The following COL4A6 variants were observed in gnomAD, a reference collection of about 807,000 sequenced individuals.
COL4A6 encodes the protein collagen type IV alpha 6 chain, also known as collagen alpha-6(IV) chain.
Under a neutral mutation model 126.7 loss-of-function variants are expected in COL4A6, and 59 were observed. The ratio of observed to expected loss-of-function variants is 0.47; its 90% CI spans 0.38 to 0.58. The LOEUF is 0.58. Ranked by LOEUF, COL4A6 falls within the 20% of genes least tolerant of loss-of-function variation. The pLI, the probability that COL4A6 is intolerant of heterozygous loss-of-function variation, is 0.00. For synonymous variants in COL4A6, 547 were observed against 496.6 expected (o/e 1.10, Z -1.35); for missense variants, 1,285 against 1,337.3 (o/e 0.96, Z 0.61).
chrX:108,181,756 G>C (rs1189873990), intron 23 of COL4A6, among the ~76,000 whole-genome samples: 1 of 111,921 alleles, frequency 8.9e-6, no homozygotes, highest in East Asian at 2.8e-4. Context: ...GAATCTATAA[G>C]ATCACAGAGG....
At chrX:108,257,753 G>T (rs367907514) in intron 3 of COL4A6, among the ~76,000 whole-genome samples, 1 of 111,100 alleles carries the variant, frequency 9.0e-6, no homozygotes, top group Non-Finnish European at 1.9e-5. Flanking sequence ...CTTGGAAGCT[G>T]CTCTACAGAG....
intron 2 of COL4A6, among the ~76,000 whole-genome samples, chrX:108,381,999 T>C (rs2040567975): frequency 9.0e-6 from 1 of 111,692 alleles, no homozygotes; most frequent in Non-Finnish European, 1.9e-5. Flanking sequence ...TTTTCTTTTT[T>C]ACCCTCTTTT....
intron 2 of COL4A6, among the ~76,000 whole-genome samples, chrX:108,425,266 C>T (rs918795294): frequency 3.5e-4 from 37 of 107,086 alleles, no homozygotes; most frequent in Non-Finnish European, 6.2e-4. Flanking sequence ...ACAAAGAGAG[C>T]GTGAATTATG....
chrX:108,210,900 A>C (rs1385866332), intron 7 of COL4A6, among the ~76,000 whole-genome samples: 1 of 111,599 alleles, frequency 9.0e-6, no homozygotes, highest in Non-Finnish European at 1.9e-5. Context: ...CTGCCTTCCA[A>C]AGTGATTTCC....
At chrX:108,382,371 C>T (rs908008239) in intron 2 of COL4A6, among the ~76,000 whole-genome samples, 5 of 111,669 alleles carry the variant, frequency 4.5e-5, no homozygotes, top group African/African-American at 1.6e-4. Context: ...ACACTTACCA[C>T]AGTGCCTGGC....
chrX:108,313,085 G>T (rs2038798814), intron 2 of COL4A6, among the ~76,000 whole-genome samples: 1 of 112,653 alleles, frequency 8.9e-6, no homozygotes, highest in Non-Finnish European at 1.9e-5. Context: ...AAGCCCTGTT[G>T]GCCACAAGGC....
rs2035554874 is a variant in COL4A6, at chrX:108,206,731, T to C, written c.547-151A>G. Reference sequence around the variant, plus strand: ...TGGAAATGTTCCAGTTGTCCAATGATACAAGGATAAACTCTGATAGATTCA... The same window carrying C: ...TGGAAATGTTCCAGTTGTCCAATGACACAAGGATAAACTCTGATAGATTCA... On this transcript the variant is annotated intron_variant, in intron 8 of 44. Coordinates refer to ENST00000334504, the MANE Select transcript of COL4A6 (RefSeq NM_033641.4). 4 of 550,901 alleles carry C rather than the reference T, an allele frequency of 7.3e-6. No individual in the cohort carries two copies. The Middle Eastern group carries it at 9.4e-4, about 130-fold the overall frequency. The allele number at this position is 550,901 out of a possible 1,213,427, so 45.4% of individuals were successfully genotyped here.
At chrX:108,275,844 G>A (rs1443173086) in intron 3 of COL4A6, among the ~76,000 whole-genome samples, 5 of 112,783 alleles carry the variant, frequency 4.4e-5, no homozygotes, top group South Asian at 3.6e-4. Flanking sequence ...ATTGGCATAC[G>A]GGTGCACATG....
At chrX:108,157,833 G>A (rs1194955493) in intron 44 of COL4A6, among the ~76,000 whole-genome samples, 2 of 111,798 alleles carry the variant, frequency 1.8e-5, no homozygotes, top group Admixed American at 1.9e-4. Flanking sequence ...CACATGAGCT[G>A]GTGGTTTTCA....
At chrX:108,162,416 GGAA>G (rs972216854) in intron 41 of COL4A6, among the ~76,000 whole-genome samples, 4 of 102,755 alleles carry the variant, frequency 3.9e-5, no homozygotes, top group East Asian at 2.9e-4. Flanking sequence ...AAGAAGAAGA[GGAA>G]GAAGAAGAGG....
At chrX:108,204,488 G>T in intron 11 of COL4A6, 76 bp from the exon 12 acceptor site, 1 of 872,125 alleles carries the variant, frequency 1.1e-6, no homozygotes, top group Non-Finnish European at 1.7e-6. Context: ...TTTGTCCTCT[G>T]GATGTAACTC....
chrX:108,279,142 A>G (rs2037716947), intron 3 of COL4A6, among the ~76,000 whole-genome samples: 1 of 111,998 alleles, frequency 8.9e-6, no homozygotes, highest in Non-Finnish European at 1.9e-5. Flanking sequence ...ACACATAACA[A>G]TATTAACCTT....
chrX:108,351,490 C>T (rs1261986296), intron 2 of COL4A6, among the ~76,000 whole-genome samples: 2 of 92,475 alleles, frequency 2.2e-5, no homozygotes, highest in African/African-American at 7.7e-5. Context: ...GTGTGTATGC[C>T]TGTGTATATC....
At chrX:108,407,776 A>C (rs775378032) in intron 2 of COL4A6, among the ~76,000 whole-genome samples, 189 of 112,387 alleles carry the variant, frequency 1.7e-3, no homozygotes, top group African/African-American at 5.6e-3. Context: ...GAGCTAAGGA[A>C]TCTACTTACC....
intron 3 of COL4A6, among the ~76,000 whole-genome samples, chrX:108,287,137 G>C (rs1298718938): frequency 8.9e-6 from 1 of 111,777 alleles, no homozygotes; most frequent in South Asian, 3.8e-4. Flanking sequence ...AGTTCTATTC[G>C]GGTCTTTCAT....
intron 3 of COL4A6, among the ~76,000 whole-genome samples, chrX:108,272,360 A>C (rs911522104): frequency 2.4e-4 from 27 of 111,519 alleles, no homozygotes; most frequent in African/African-American, 8.8e-4. Context: ...CAGCCTTATT[A>C]CTCGAACTTC....
intron 3 of COL4A6, among the ~76,000 whole-genome samples, chrX:108,304,295 G>A (rs970691803): frequency 8.9e-6 from 1 of 111,750 alleles, no homozygotes; most frequent in Non-Finnish European, 1.9e-5. Flanking sequence ...AGATAACCAC[G>A]AACATCTGCA....
intron 2 of COL4A6, among the ~76,000 whole-genome samples, chrX:108,336,944 C>A (rs141859183): frequency 9.0e-6 from 1 of 110,905 alleles, no homozygotes; most frequent in Non-Finnish European, 1.9e-5. Flanking sequence ...GGAGTCTCCT[C>A]TCCCTTTCCC....
chrX:108,373,035 T>C (rs1160955501), intron 2 of COL4A6, among the ~76,000 whole-genome samples: 4 of 111,961 alleles, frequency 3.6e-5, no homozygotes, highest in African/African-American at 1.3e-4. Context: ...TCTAATGCAT[T>C]TGATACAAAA....
Sources: allele counts gnomAD v4.1 joint callset (sites outside exome capture counted in the v4.1 genomes callset), GRCh38; gene constraint gnomAD v4.1.1; transcripts MANE v1.5; gene names NCBI Gene and HGNC (gene_info 2026-07-23, HGNC 2026-07-21).